Variants in FTCD observed in about 807,000 individuals in gnomAD.
The protein encoded by FTCD is formimidoyltransferase-cyclodeaminase.
A neutral mutation model predicts 62.9 loss-of-function variants in FTCD; 76 were observed. The observed-to-expected ratio is 1.21, with a 90% CI of 1.00 to 1.46. The LOEUF (loss-of-function observed/expected upper bound fraction) is 1.46. FTCD is among the 40% of genes most tolerant of loss of function. The pLI is 0.00. For missense variants in FTCD, 845 were observed against 751.3 expected, an observed-to-expected ratio of 1.12 and a Z score of -1.46; for synonymous variants, 397 against 336.9, an observed-to-expected ratio of 1.18 and a Z score of -1.95.
At chr21:46,141,066 C>A (rs1308871382) in intron 10 of FTCD, among the ~76,000 whole-genome samples, 6 of 152,214 alleles carry the variant, frequency 3.9e-5, no homozygotes, top group Non-Finnish European at 5.9e-5. Flanking sequence ...CATCTATGTA[C>A]TTTTCCTACT....
intron 3 of FTCD, 153 bp downstream of exon 3, chr21:46,152,754 A>C: frequency 1.6e-6 from 1 of 640,126 alleles, no homozygotes; most frequent in Non-Finnish European, 2.6e-6. Context: ...TTATTTCGGT[A>C]TTGAGGGAGC....
chr21:46,138,426 C>T, intron 12 of FTCD, 82 bp downstream of exon 12: 2 of 1,389,852 alleles, frequency 1.4e-6, no homozygotes, highest in Non-Finnish European at 2.0e-6. Flanking sequence ...CCCAGCCAAC[C>T]ACCGTGCTCT....
At chr21:46,141,467 A>G (rs2079004044) in intron 10 of FTCD, among the ~76,000 whole-genome samples, 1 of 152,152 alleles carries the variant, frequency 6.6e-6, no homozygotes, top group Non-Finnish European at 1.5e-5. Flanking sequence ...ATTTATACTT[A>G]AATTCATGAC....
At position 46,155,533 on chromosome 21, in the gene FTCD, C is replaced by T. The variant is rs747593847; in HGVS notation, c.-10G>A. ...CCACCAGCTGGGACATGGCCAGCAC[C>T]TTGATCCAGATGCTCCTCTCTGGGC... On this transcript the variant is annotated 5_prime_UTR_variant, in exon 1 of 14. Coordinates refer to ENST00000397746, the MANE Select transcript of FTCD (RefSeq NM_206965.2). 8.7e-6 allele frequency: 14 copies of T among 1,612,050 alleles called. No individual in the cohort carries two copies. In the Admixed American group the frequency reaches 2.2e-4, roughly 25 times the overall value.
chr21:46,141,554 G>A (rs542841931), intron 10 of FTCD, among the ~76,000 whole-genome samples: 1 of 152,138 alleles, frequency 6.6e-6, no homozygotes, highest in South Asian at 2.1e-4. Flanking sequence ...TTCTGGGGAG[G>A]CCATTTGAAC....
At chr21:46,151,268 T>C (rs1489663113) in intron 5 of FTCD, among the ~76,000 whole-genome samples, 1 of 152,188 alleles carries the variant, frequency 6.6e-6, no homozygotes, top group Non-Finnish European at 1.5e-5. Context: ...AGTCGCTGTT[T>C]CCCAGCAGTA....
Position 46,152,890 on chromosome 21 carries a change from C to CGG in FTCD, c.367+15_367+16dup. 1.1e-6 allele frequency: 1 copy of CGG among 898,132 alleles called. No homozygotes were observed. The highest frequency in any genetic ancestry group is 4.6e-5 in the East Asian group (1 of 21,508). The allele number at this position is 898,132 out of a possible 1,614,324, so 55.6% of individuals were successfully genotyped here. A position where few individuals can be genotyped will look rare whatever the true frequency, so the allele number is the denominator to read the frequency against. ...TGAGACGGGAGCAGAGTGAGGGGGG[C>CGG]GGGGGGGCACGCTCACCTGGCACGT... On this transcript the variant is annotated intron_variant, in intron 3 of 13. Coordinates refer to ENST00000397746, the MANE Select transcript of FTCD (RefSeq NM_206965.2).
rs539688538 is a variant in FTCD, at chr21:46,144,109, C to A, written c.1260+1308G>T. 8.7e-4 allele frequency among the ~76,000 whole-genome samples: 132 copies of A among 152,018 alleles called. 1 individual carries two copies. In the South Asian group the frequency reaches 0.022, roughly 25 times the overall value. ...AGGGAAGGGGCCCCTGTGCGGTGGA[C>A]ATGTGACTCACGTGACCTTATCAAT... On this transcript the variant is annotated intron_variant, in intron 10 of 13. Transcript: ENST00000397746.
intron 12 of FTCD, among the ~76,000 whole-genome samples, chr21:46,137,899 G>C (rs1017210182): frequency 1.3e-5 from 2 of 152,210 alleles, no homozygotes; most frequent in East Asian, 1.9e-4. Context: ...GTGCTTTCTC[G>C]TGTTTTGTTG....
chr21:46,137,125 T>G, intron 13 of FTCD, 52 bp from the exon 14 acceptor site: 1 of 1,607,236 alleles, frequency 6.2e-7, no homozygotes. Context: ...TCAGCCCAGC[T>G]TGCTGGGCAG....
intron 8 of FTCD, 107 bp downstream of exon 8, chr21:46,146,159 G>C: frequency 1.1e-6 from 1 of 869,804 alleles, no homozygotes; most frequent in Non-Finnish European, 1.9e-6. Flanking sequence ...AAAGGGAGGC[G>C]CTGGGAGGAC....
At chr21:46,146,140 T>C (rs908928589) in intron 8 of FTCD, 126 bp downstream of exon 8, 29 of 796,434 alleles carry the variant, frequency 3.6e-5, no homozygotes, top group Non-Finnish European at 4.9e-5. Flanking sequence ...GCAGGCCGAG[T>C]AGGCGCCCAA....
Position 46,138,636 on chromosome 21 carries a change from C to A in FTCD, c.1315G>T (p.Ala439Ser). Residue 439 changes from alanine (A) to serine (S), a missense_variant, in exon 12 of 14, where the codon GCC (alanine) becomes TCC (serine). Coordinates refer to ENST00000397746, the MANE Select transcript of FTCD (RefSeq NM_206965.2). ...GCCCGCCTCAGACCCTCCTGTAGGG[C>A]CGCCGTGCGCCTGAAAGGAGCAAGA... ...TPEEKDRRTA[A>S]LQEGLRRAVS... 6.3e-7 allele frequency: 1 copy of A among 1,594,502 alleles called. No homozygotes were observed. The highest frequency in any genetic ancestry group is 8.5e-7 in the Non-Finnish European group (1 of 1,177,468).
intron 8 of FTCD, 62 bp from the exon 9 acceptor site, chr21:46,146,009 C>G (rs2079139430): frequency 9.4e-7 from 1 of 1,066,366 alleles, no homozygotes; most frequent in Non-Finnish European, 1.3e-6. Context: ...GCAGTCCTCC[C>G]GGGGCGGCCC....
rs575255657 is a variant in FTCD, at chr21:46,147,176, C to T, written c.907-849G>A. Among the ~76,000 whole-genome samples the T allele has an allele frequency of 5.5e-4, 83 of 152,238 alleles. 1 individual carries two copies. In the South Asian group the frequency reaches 0.017, roughly 30 times the overall value. Reference sequence around the variant, plus strand: ...GGTCTGGGGCCTTCAGAGTGGGGTCCGACTGGAGACCCCTGGAAGGTGACA... The same window carrying T: ...GGTCTGGGGCCTTCAGAGTGGGGTCTGACTGGAGACCCCTGGAAGGTGACA... On this transcript the variant is annotated intron_variant, in intron 7 of 13. Coordinates refer to ENST00000397746, the MANE Select transcript of FTCD (RefSeq NM_206965.2).
chr21:46,138,828 A>G (rs927651113), intron 11 of FTCD, 52 bp downstream of exon 11: 1 of 1,533,446 alleles, frequency 6.5e-7, no homozygotes, highest in Non-Finnish European at 9.0e-7. Flanking sequence ...GATCCTGGCC[A>G]CCAACTCCCC....
At chr21:46,136,615 G>A (rs1232224543), downstream of FTCD, 4 of 1,506,770 alleles carry the variant, frequency 2.7e-6, no homozygotes, top group Non-Finnish European at 3.6e-6. Context: ...GGGCTGCACT[G>A]GGTGTCTGGG....
At chr21:46,152,381 C>T (rs527922745) in intron 3 of FTCD, 15 of 210,580 alleles carry the variant, frequency 7.1e-5, no homozygotes, top group African/African-American at 1.4e-4. Flanking sequence ...GTGGGCCCTG[C>T]GTCGGGATTT....
chr21:46,151,018 G>C (rs1054378130), intron 5 of FTCD, among the ~76,000 whole-genome samples: 1 of 152,238 alleles, frequency 6.6e-6, no homozygotes. Flanking sequence ...TCGGGAAGCC[G>C]GGTCCCAGGA....
Sources: allele counts gnomAD v4.1 joint callset (sites outside exome capture counted in the v4.1 genomes callset), GRCh38; gene constraint gnomAD v4.1.1; transcripts MANE v1.5; gene names NCBI Gene and HGNC (gene_info 2026-07-23, HGNC 2026-07-21).